MAST4: variants seen among roughly 807,000 people sequenced by gnomAD.
The protein encoded by MAST4 is microtubule-associated serine/threonine-protein kinase 4.
MAST4 carries 89 observed loss-of-function variants against 162.7 expected under a neutral mutation model. The ratio of observed to expected loss-of-function variants is 0.55; its 90% CI spans 0.46 to 0.65. MAST4 has a LOEUF of 0.65. Ranked by LOEUF, MAST4 falls within the 30% of genes least tolerant of loss-of-function variation. The pLI, the probability that MAST4 is intolerant of heterozygous loss-of-function variation, is 0.00. For synonymous variants in MAST4, 1,479 were observed against 1,361.1 expected, an observed-to-expected ratio of 1.09 and a Z score of -1.91; for missense variants, 3,153 against 3,374.0, an observed-to-expected ratio of 0.93 and a Z score of 1.62.
chr5:66,944,981 T>C (rs1270662713), intron 4 of MAST4, among the ~76,000 whole-genome samples: 1 of 152,126 alleles, frequency 6.6e-6, no homozygotes, highest in Non-Finnish European at 1.5e-5. Flanking sequence ...TCCCATCCTT[T>C]CCACAGGATC....
intron 1 of MAST4, among the ~76,000 whole-genome samples, chr5:66,752,352 A>G (rs957355190): frequency 6.6e-6 from 1 of 150,712 alleles, no homozygotes; most frequent in African/African-American, 2.5e-5. Flanking sequence ...AGACTGGCAA[A>G]TTGGATAAAG....
At chr5:66,673,589 C>T (rs980312744) in intron 1 of MAST4, among the ~76,000 whole-genome samples, 78 of 146,414 alleles carry the variant, frequency 5.3e-4, no homozygotes, top group Admixed American at 1.2e-3. Flanking sequence ...TGACGTGGCG[C>T]GATCACAGCT....
intron 3 of MAST4, among the ~76,000 whole-genome samples, chr5:66,861,774 A>T (rs995908780): frequency 6.6e-6 from 1 of 152,220 alleles, no homozygotes; most frequent in African/African-American, 2.4e-5. Context: ...TATTAATAAG[A>T]GGGAGGGATA....
Position 67,167,141 on chromosome 5 carries a change from A to G in MAST4, c.*90A>G. The G allele has an allele frequency of 8.3e-7, 1 of 1,199,486 alleles. No homozygotes were observed. The highest frequency in any genetic ancestry group is 1.9e-5 in the South Asian group (1 of 52,678). 74.3% of individuals were successfully genotyped at this position (1,199,486 alleles called of 1,614,324 possible). A position where few individuals can be genotyped will look rare whatever the true frequency, so the allele number is the denominator to read the frequency against. On this transcript the variant is annotated 3_prime_UTR_variant, in exon 29 of 29. Transcript: ENST00000403625. Reference sequence around the variant, plus strand: ...CTTTCAAAACCAGCACTGTGTGGGAATGTCCGCCAGGCAGAGCTCGGAGCC... The same window carrying G: ...CTTTCAAAACCAGCACTGTGTGGGAGTGTCCGCCAGGCAGAGCTCGGAGCC...
chr5:67,078,059 A>G (rs927303488), intron 5 of MAST4, among the ~76,000 whole-genome samples: 1 of 152,198 alleles, frequency 6.6e-6, no homozygotes, highest in African/African-American at 2.4e-5. Flanking sequence ...AGATCGCGCC[A>G]TTGCACTCCA....
Position 67,164,374 on chromosome 5 carries a change from C to T in MAST4, c.5195C>T (p.Pro1732Leu), listed in dbSNP as rs774344395. ...CGACCCACGGGTGGGCAGCAGGAGC[C>T]CCCGCCGGCTTCTGAGAGCCGAGCT... is the stretch of plus-strand genomic sequence containing the variant. ...PVRPTGGQQE[P>L]PPASESRAFV... Residue 1732 changes from proline (P) to leucine (L), a missense_variant, in exon 29 of 29, where the codon CCC becomes CTC. Pro to Leu is a moderately conservative substitution (Grantham distance 98). This residue lies in a region of MAST4 where 1,644 missense variants were observed against 1,495.0 expected (regional missense o/e 1.10). Coordinates refer to ENST00000403625, the MANE Select transcript of MAST4 (RefSeq NM_001164664.2). This position sits in a 1 kb window ranked among gnomAD's most constrained non-coding sequence, Gnocchi z 5.3. 6 of 1,613,968 alleles carry T rather than the reference C, an allele frequency of 3.7e-6. No individual in the cohort carries two copies. The highest frequency in any genetic ancestry group is 4.2e-6 in the Non-Finnish European group (5 of 1,179,870).
intron 4 of MAST4, among the ~76,000 whole-genome samples, chr5:66,996,559 T>C (rs76685795): frequency 0.017 from 2,607 of 152,288 alleles, 88 homozygotes; most frequent in African/African-American, 0.06. Context: ...TCAATTTCTG[T>C]GCGCTGAAAT....
At chr5:67,038,473 G>A (rs1756313696) in intron 4 of MAST4, among the ~76,000 whole-genome samples, 1 of 152,076 alleles carries the variant, frequency 6.6e-6, no homozygotes, top group Non-Finnish European at 1.5e-5. Flanking sequence ...AAAACTGTTA[G>A]GGGATTTTTG....
intron 4 of MAST4, among the ~76,000 whole-genome samples, chr5:66,958,664 A>G (rs1431595520): frequency 6.6e-6 from 1 of 152,146 alleles, no homozygotes; most frequent in Non-Finnish European, 1.5e-5. Context: ...TGATTGCCAT[A>G]TATAGAGAAA....
chr5:67,100,061 C>A (rs1014939727), intron 7 of MAST4, among the ~76,000 whole-genome samples: 48 of 152,230 alleles, frequency 3.2e-4, no homozygotes, highest in African/African-American at 1.2e-3. Flanking sequence ...TGATTTTGAG[C>A]AGCAGTAAAC....
At chr5:67,059,130 T>G (rs1759235524) in intron 5 of MAST4, among the ~76,000 whole-genome samples, 1 of 152,186 alleles carries the variant, frequency 6.6e-6, no homozygotes, top group African/African-American at 2.4e-5. Context: ...TTTGTAGGAC[T>G]GAGTTCCCCG....
intron 4 of MAST4, among the ~76,000 whole-genome samples, chr5:66,988,207 T>C (rs2150267556): frequency 6.6e-6 from 1 of 152,314 alleles, no homozygotes; most frequent in South Asian, 2.1e-4. Context: ...GTGCTTCATC[T>C]CTCTGATTCT....
chr5:66,820,148 C>T (rs1285281215), intron 3 of MAST4, among the ~76,000 whole-genome samples: 1 of 151,840 alleles, frequency 6.6e-6, no homozygotes, highest in African/African-American at 2.4e-5. Flanking sequence ...ACATGTATAG[C>T]CTGAATGTGC....
chr5:66,909,369 C>G lies in MAST4; in HGVS notation c.674+9387C>G, dbSNP rs573713891. Among the ~76,000 whole-genome samples the G allele has an allele frequency of 5.9e-5, 9 of 152,282 alleles. No individual in the cohort carries two copies. The South Asian group carries it at 1.9e-3, about 32-fold the overall frequency. On this transcript the variant is annotated intron_variant, in intron 4 of 28. Transcript: ENST00000403625. ...TCAGATTTAAGCCATCTCTTCTCAG[C>G]AGGGTAATCAGGACACTCCTTGAAA... is the stretch of plus-strand genomic sequence containing the variant.
chr5:66,914,750 TGATTTTAC>T (rs1763994786), intron 4 of MAST4, among the ~76,000 whole-genome samples: 1 of 151,916 alleles, frequency 6.6e-6, no homozygotes, highest in African/African-American at 2.4e-5. Context: ...CAACTGGGGG[TGATTTTAC>T]CCCCAAAGAT....
At chr5:67,145,514 C>G (rs543682676) in intron 23 of MAST4, 135 bp downstream of exon 23, 4 of 688,054 alleles carry the variant, frequency 5.8e-6, no homozygotes, top group African/African-American at 3.6e-5. Flanking sequence ...TGGCCTCAGT[C>G]CTTAGGCTTG....
chr5:66,805,016 AT>A (rs1756117346), intron 3 of MAST4, among the ~76,000 whole-genome samples: 1 of 152,136 alleles, frequency 6.6e-6, no homozygotes, highest in Non-Finnish European at 1.5e-5. Context: ...TACTTCATTA[AT>A]TTGAAGTGGC....
At chr5:66,667,999 A>G (rs1747370355) in intron 1 of MAST4, among the ~76,000 whole-genome samples, 1 of 152,176 alleles carries the variant, frequency 6.6e-6, no homozygotes, top group Non-Finnish European at 1.5e-5. Context: ...GGTAAGGAAA[A>G]TCTTCCATTT....
chr5:66,936,945 C>T (rs1451100252), intron 4 of MAST4, among the ~76,000 whole-genome samples: 1 of 152,112 alleles, frequency 6.6e-6, no homozygotes, highest in African/African-American at 2.4e-5. Context: ...CTCCTGGATG[C>T]CCTCTCTCCT....
Sources: allele counts gnomAD v4.1 joint callset (sites outside exome capture counted in the v4.1 genomes callset), GRCh38; gene constraint gnomAD v4.1.1; regional missense constraint gnomAD v4.1.1; non-coding constraint Gnocchi (gnomAD v3.1); transcripts MANE v1.5; gene names NCBI Gene and HGNC (gene_info 2026-07-23, HGNC 2026-07-21).